Variants in CNNM4 observed in about 807,000 individuals in gnomAD.
CNNM4 encodes metal transporter CNNM4.
CNNM4 carries 32 observed loss-of-function variants against 53.7 expected under a neutral mutation model. The ratio of observed to expected loss-of-function variants is 0.60; its 90% confidence interval spans 0.45 to 0.80. CNNM4 has a LOEUF of 0.80. Among genes scored for constraint, CNNM4 ranks in the 30% least tolerant of loss-of-function variants. The pLI, the probability that CNNM4 is intolerant of heterozygous loss-of-function variation, is 0.00. For synonymous variants in CNNM4, 410 were observed against 440.0 expected, an observed-to-expected ratio of 0.93 and a Z score of 0.85; for missense variants, 784 against 1,022.0, an observed-to-expected ratio of 0.77 and a Z score of 3.17.
chr2:96,793,419 C>T (rs966603771), intron 1 of CNNM4, among the ~76,000 whole-genome samples: 1 of 152,198 alleles, frequency 6.6e-6, no homozygotes, highest in South Asian at 2.1e-4. Flanking sequence ...TGTACGGAAC[C>T]CCAGTTGGCC....
chr2:96,762,485 T>C (rs2078774965), intron 1 of CNNM4, 84 bp downstream of exon 1: 1 of 1,291,800 alleles, frequency 7.7e-7, no homozygotes, highest in Admixed American at 1.8e-5. Context: ...CTGGCTTTAG[T>C]GTTCTGTTTG....
rs2079245683 is a variant in CNNM4, at chr2:96,810,256, G to A, written c.*739G>A. 6.5e-6 allele frequency: 1 copy of A among 152,836 alleles called. No homozygotes were observed. The highest frequency in any genetic ancestry group is 2.4e-5 in the African/African-American group (1 of 41,438). The allele number at this position is 152,836 out of a possible 1,614,324, so 9.5% of individuals were successfully genotyped here. The stretch of plus-strand genomic sequence containing the variant: ...CTCTGCCGACAGCCTCTCCTGGTGA[G>A]TCGGGACTCAGCTGAGGACACATCC... On this transcript the variant is annotated 3_prime_UTR_variant, in exon 7 of 7. Coordinates refer to ENST00000377075, the MANE Select transcript of CNNM4 (RefSeq NM_020184.4). This position sits in a 1 kb window ranked among gnomAD's most constrained non-coding sequence, Gnocchi z 4.1.
At chr2:96,794,019 C>T (rs2079083183) in intron 1 of CNNM4, among the ~76,000 whole-genome samples, 1 of 152,106 alleles carries the variant, frequency 6.6e-6, no homozygotes, top group South Asian at 2.1e-4. Context: ...TGTGAGGGAA[C>T]CTTTCGTTGG....
In CNNM4 at chr2:96,765,170, A is replaced by G. The variant is rs375710460; in HGVS notation, c.1402+2769A>G. Among the ~76,000 whole-genome samples, 25 of 146,250 alleles carry G rather than the reference A, an allele frequency of 1.7e-4. 2 individuals carry two copies. Among genetic ancestry groups the G allele is most frequent in the Admixed American group, 6.9e-4 (10 of 14,522 alleles). ...AGACGGAGTTTTGCTCTTGTTGTCC[A>G]GGCTGGAGTGTAATGGCACAATCTC... On this transcript the variant is annotated intron_variant, in intron 1 of 6. Transcript: ENST00000377075.
chr2:96,761,084 CT>C lies in CNNM4; in HGVS notation c.86del (p.Leu29ArgfsTer21). On this transcript the variant is annotated frameshift_variant, in exon 1 of 7. Transcript: ENST00000377075. LOFTEE classifies it high-confidence loss of function. This position sits in a 1 kb window ranked among gnomAD's most constrained non-coding sequence, Gnocchi z 6.0. The stretch of plus-strand genomic sequence containing the variant: ...CCTGGCGGCGCCGGTGCTGCTGGTG[CT>C]GCTGTGGGCGCTGGGGGCCCGGGGC... ...LLLAAPVLLVLLWALGARGQG... is the reference protein window; with the variant it reads ...LLLAAPVLLVXLWALGARGQG... The C allele has an allele frequency of 2.0e-6, 3 of 1,470,408 alleles. No homozygotes were observed. The highest frequency in any genetic ancestry group is 2.7e-6 in the Non-Finnish European group (3 of 1,106,852). 91.1% of individuals were successfully genotyped at this position (1,470,408 alleles called of 1,614,324 possible).
intron 1 of CNNM4, among the ~76,000 whole-genome samples, chr2:96,780,108 C>T (rs1295956668): frequency 1.3e-5 from 2 of 151,834 alleles, no homozygotes; most frequent in African/African-American, 2.4e-5. Context: ...CCAGACTTGA[C>T]ATTTTATAGT....
In CNNM4 at chr2:96,799,544, T is replaced by C; in HGVS notation, c.1852-8T>C. ...TTGGTCTCTAACTCCAGCCCTGTGT[T>C]TTTTCAGGGGAAGGTGGAGGTGGAG... On this transcript the variant is annotated splice_polypyrimidine_tract_variant and splice_region_variant and intron_variant, in intron 4 of 6. Transcript: ENST00000377075. 1 of 1,552,976 alleles carries C rather than the reference T, an allele frequency of 6.4e-7. No individual in the cohort carries two copies. Among genetic ancestry groups the C allele is most frequent in the Non-Finnish European group, 8.7e-7 (1 of 1,147,408 alleles).
chr2:96,796,131 C>CTTTT lies in CNNM4; in HGVS notation c.1403-853_1403-850dup, dbSNP rs796494842. On this transcript the variant is annotated intron_variant, in intron 1 of 6. Transcript: ENST00000377075. The stretch of plus-strand genomic sequence containing the variant: ...CCTGATAAGTGATACCAGACAGGGT[C>CTTTT]TTTTTTTTTTTTTTTTTTTTTTTTT... 8.3e-3 allele frequency among the ~76,000 whole-genome samples: 423 copies of CTTTT among 50,708 alleles called. 46 individuals carry two copies. The highest frequency in any genetic ancestry group is 0.037 in the Middle Eastern group (2 of 54). 33.3% of individuals were successfully genotyped at this position (50,708 alleles called of 152,430 possible).
At chr2:96,793,188 G>A (rs991574004) in intron 1 of CNNM4, among the ~76,000 whole-genome samples, 1 of 152,044 alleles carries the variant, frequency 6.6e-6, no homozygotes, top group South Asian at 2.1e-4. Context: ...GGGAAAGGAG[G>A]GAGTCACCGT....
chr2:96,782,068 A>T (rs969887420), intron 1 of CNNM4, among the ~76,000 whole-genome samples: 9 of 152,208 alleles, frequency 5.9e-5, no homozygotes, highest in Non-Finnish European at 4.4e-5. Flanking sequence ...AATTTATTGT[A>T]TAACCGGAGT....
chr2:96,774,545 T>A (rs1371426406), intron 1 of CNNM4, among the ~76,000 whole-genome samples: 2 of 152,162 alleles, frequency 1.3e-5, no homozygotes, highest in Admixed American at 6.5e-5. Context: ...AAACTGAGGC[T>A]TAGAGAGGCC....
chr2:96,783,199 G>A (rs1285932104), intron 1 of CNNM4, among the ~76,000 whole-genome samples: 1 of 152,190 alleles, frequency 6.6e-6, no homozygotes, highest in African/African-American at 2.4e-5. Flanking sequence ...AGGTACAGCG[G>A]GGAAGGGGTT....
At chr2:96,780,574 C>G (rs1297695894) in intron 1 of CNNM4, among the ~76,000 whole-genome samples, 2 of 152,066 alleles carry the variant, frequency 1.3e-5, no homozygotes, top group Non-Finnish European at 2.9e-5. Flanking sequence ...TTGTGCACTG[C>G]TAACCAACAG....
At chr2:96,764,716 G>A (rs1047529742) in intron 1 of CNNM4, among the ~76,000 whole-genome samples, 4 of 152,148 alleles carry the variant, frequency 2.6e-5, no homozygotes, top group East Asian at 1.9e-4. Flanking sequence ...GGCCAGGCGC[G>A]GTGGCTCATG....
At position 96,797,752 on chromosome 2, in the gene CNNM4, G is replaced by T; in HGVS notation, c.1681+105G>T. On this transcript the variant is annotated intron_variant, in intron 3 of 6. Transcript: ENST00000377075. The surrounding 1 kb of genome is among the most constrained non-coding windows in gnomAD (Gnocchi z 6.0). ...CCATAGGACGAGGGCTGCAGCAGGT[G>T]AGGGGTGCAGAGACAACACAGCCAC... is the stretch of plus-strand genomic sequence containing the variant. 2.4e-5 allele frequency: 35 copies of T among 1,473,528 alleles called. No homozygotes were observed. Among genetic ancestry groups the T allele is most frequent in the Non-Finnish European group, 3.1e-5 (34 of 1,082,104 alleles). The allele number at this position is 1,473,528 out of a possible 1,614,324, so 91.3% of individuals were successfully genotyped here.
chr2:96,804,662 A>G (rs914789734), intron 5 of CNNM4, among the ~76,000 whole-genome samples: 2 of 151,516 alleles, frequency 1.3e-5, no homozygotes, highest in African/African-American at 4.9e-5. Flanking sequence ...CGGCCTCCCA[A>G]CGTGCTGGGA....
At position 96,799,357 on chromosome 2, in the gene CNNM4, C is replaced by T. The variant is rs2079137482; in HGVS notation, c.1851+131C>T. ...GGGAGCCTGCTGCCTGCCCTTGAGC[C>T]CCGCCTGCCCCACGTGGCCATCCTC... On this transcript the variant is annotated intron_variant, in intron 4 of 6. Transcript: ENST00000377075. 9.8e-6 allele frequency: 13 copies of T among 1,323,160 alleles called. No individual in the cohort carries two copies. The South Asian group carries it at 1.3e-4, about 13-fold the overall frequency. The allele number at this position is 1,323,160 out of a possible 1,614,324, so 82.0% of individuals were successfully genotyped here. A position where few individuals can be genotyped will look rare whatever the true frequency, so the allele number is the denominator to read the frequency against.
chr2:96,798,608 C>A (rs1437268326), intron 3 of CNNM4, among the ~76,000 whole-genome samples: 3 of 152,162 alleles, frequency 2.0e-5, no homozygotes, highest in African/African-American at 7.2e-5. Flanking sequence ...AAAGGGGTGG[C>A]AATTCCCTCT....
chr2:96,793,367 C>A (rs2079077748), intron 1 of CNNM4, among the ~76,000 whole-genome samples: 1 of 152,226 alleles, frequency 6.6e-6, no homozygotes, highest in South Asian at 2.1e-4. Context: ...CCAAAGCTCA[C>A]CCTGCAGAGG....
Sources: gnomAD v4.1 joint callset for allele counts (sites outside exome capture counted in the v4.1 genomes callset) on GRCh38, gnomAD v4.1.1 for gene constraint, Gnocchi (gnomAD v3.1) non-coding constraint, MANE v1.5 for transcripts, NCBI Gene and HGNC (gene_info 2026-07-23, HGNC 2026-07-21) for gene names.